CBFA2T3: variants seen among roughly 807,000 people sequenced by gnomAD.
CBFA2T3 encodes transcriptional corepressor CBFA2T3.
CBFA2T3 carries 31 observed loss-of-function variants against 58.6 expected under a neutral mutation model. The ratio of observed to expected loss-of-function variants is 0.53; its 90% CI spans 0.40 to 0.71. The LOEUF is 0.71. CBFA2T3 is among the 30% of genes least tolerant of loss of function. CBFA2T3 has a pLI of 0.00. For synonymous variants in CBFA2T3, 531 were observed against 421.9 expected, an observed-to-expected ratio of 1.26 and a Z score of -3.17; for missense variants, 1,076 against 963.1, an observed-to-expected ratio of 1.12 and a Z score of -1.55.
intron 8 of CBFA2T3, 117 bp downstream of exon 8, chr16:88,882,558 GT>G: frequency 3.0e-6 from 2 of 673,338 alleles, no homozygotes; most frequent in Non-Finnish European, 5.3e-6. Context: ...GTGTGGCTGT[GT>G]GTGGGCATGG....
chr16:88,877,811 G>C (rs576391577), intron 11 of CBFA2T3, among the ~76,000 whole-genome samples: 1 of 152,324 alleles, frequency 6.6e-6, no homozygotes, highest in South Asian at 2.1e-4. Flanking sequence ...GCCACAAAAA[G>C]CCTGTGGGCA....
chr16:88,942,204 C>A (rs938937112), intron 1 of CBFA2T3, among the ~76,000 whole-genome samples: 2 of 152,244 alleles, frequency 1.3e-5, no homozygotes, highest in African/African-American at 2.4e-5. Context: ...TTTGCCTTTC[C>A]CTAAAGTACT....
intron 5 of CBFA2T3, among the ~76,000 whole-genome samples, chr16:88,889,012 G>A (rs375070957): frequency 2.2e-4 from 33 of 152,092 alleles, no homozygotes; most frequent in African/African-American, 6.8e-4. Flanking sequence ...GGCAAGGGTG[G>A]GGATGCTGCG....
chr16:88,976,538 T>A, intron 1 of CBFA2T3, 119 bp downstream of exon 1: 1 of 739,436 alleles, frequency 1.4e-6, no homozygotes, highest in Non-Finnish European at 2.2e-6. Context: ...AACACGGCCA[T>A]CCGTGCCGGC....
In CBFA2T3 at chr16:88,875,237, C is replaced by T. The variant is rs561516446; in HGVS notation, c.*1739G>A. 22 of 224,064 alleles carry T rather than the reference C, an allele frequency of 9.8e-5. No individual in the cohort carries two copies. The highest frequency in any genetic ancestry group is 4.0e-4 in the African/African-American group (18 of 44,796). 13.9% of individuals were successfully genotyped at this position (224,064 alleles called of 1,614,324 possible). A position where few individuals can be genotyped will look rare whatever the true frequency, so the allele number is the denominator to read the frequency against. Reference sequence around the variant, plus strand: ...CACGCACAGATGCCAGGCTGCGGGCCGTGCCTGCTGTCTGTCCTTGTACTC... The same window carrying T: ...CACGCACAGATGCCAGGCTGCGGGCTGTGCCTGCTGTCTGTCCTTGTACTC... On this transcript the variant is annotated 3_prime_UTR_variant, in exon 12 of 12. Coordinates refer to ENST00000268679, the MANE Select transcript of CBFA2T3 (RefSeq NM_005187.6).
chr16:88,965,544 C>A (rs574707668), intron 1 of CBFA2T3, among the ~76,000 whole-genome samples: 13 of 152,312 alleles, frequency 8.5e-5, no homozygotes, highest in East Asian at 1.9e-4. Context: ...TAGGTCCCTG[C>A]GGGGCAGAGA....
Position 88,879,436 on chromosome 16 carries a change from C to A in CBFA2T3, c.1496G>T (p.Arg499Leu), listed in dbSNP as rs761802573. 2 of 1,612,500 alleles carry A rather than the reference C, an allele frequency of 1.2e-6. No homozygotes were observed. The highest frequency in any genetic ancestry group is 1.7e-6 in the Non-Finnish European group (2 of 1,179,204). The change falls in exon 11 of 12, where the codon CGG (arginine) becomes CTG (leucine). Residue 499 changes from arginine (R) to leucine (L), a missense_variant. Transcript: ENST00000268679. Reference protein sequence around the residue: ...KAEEAVNEVKRQAMSELQKAV... With the variant: ...KAEEAVNEVKLQAMSELQKAV... ...TTTCTGCAGCTCCGACATGGCCTGC[C>A]GCTTCACCTCATTCACGGCCTCTTC... is the stretch of plus-strand genomic sequence containing the variant.
chr16:88,936,074 C>T (rs1971489160), intron 1 of CBFA2T3, among the ~76,000 whole-genome samples: 1 of 152,190 alleles, frequency 6.6e-6, no homozygotes. Flanking sequence ...GAGGGTCTCA[C>T]TGCAGCTGGA....
intron 11 of CBFA2T3, 126 bp from the exon 12 acceptor site, chr16:88,877,401 C>T: frequency 1.3e-6 from 1 of 749,474 alleles, no homozygotes; most frequent in South Asian, 1.9e-5. Flanking sequence ...ACTCCAAAGC[C>T]CCACAGCCCT....
chr16:88,914,407 C>G (rs1333342963), intron 1 of CBFA2T3, among the ~76,000 whole-genome samples: 1 of 152,162 alleles, frequency 6.6e-6, no homozygotes, highest in African/African-American at 2.4e-5. Context: ...CATTTAATTG[C>G]AAAAATGATG....
intron 1 of CBFA2T3, among the ~76,000 whole-genome samples, chr16:88,931,626 A>ATGAGCCAGAGGTGGAGAAGGGC (rs1282278169): frequency 6.8e-6 from 1 of 147,562 alleles, no homozygotes; most frequent in African/African-American, 2.6e-5. Context: ...GGCCCCGTGG[A>ATGAGCCAGAGGTGGAGAAGGGC]CGAGCCAGAG....
At chr16:88,914,979 T>C (rs924934980) in intron 1 of CBFA2T3, among the ~76,000 whole-genome samples, 1 of 41,250 alleles carries the variant, frequency 2.4e-5, no homozygotes, top group African/African-American at 9.3e-5. Context: ...CGGGGCGGGG[T>C]GGGGGTGGGG....
Position 88,881,277 on chromosome 16 carries a change from C to T in CBFA2T3, c.1402+14G>A. 1 of 1,595,352 alleles carries T rather than the reference C, an allele frequency of 6.3e-7. No individual in the cohort carries two copies. The highest frequency in any genetic ancestry group is 8.5e-7 in the Non-Finnish European group (1 of 1,172,660). Reference sequence around the variant, plus strand: ...ACCCCGTGTCTGCTCCCTCCCCCCACACCCCACACGCACCTAGCTGAGGCC... The same window carrying T: ...ACCCCGTGTCTGCTCCCTCCCCCCATACCCCACACGCACCTAGCTGAGGCC... On this transcript the variant is annotated intron_variant, in intron 9 of 11. Transcript: ENST00000268679.
intron 1 of CBFA2T3, chr16:88,937,367 C>G (rs890740434): frequency 2.0e-5 from 3 of 152,450 alleles, no homozygotes; most frequent in African/African-American, 7.2e-5. Context: ...CCTCAAGCGG[C>G]CTGCACCTCC....
chr16:88,960,112 A>G (rs1353775843), intron 1 of CBFA2T3, among the ~76,000 whole-genome samples: 1 of 152,236 alleles, frequency 6.6e-6, no homozygotes, highest in Non-Finnish European at 1.5e-5. Flanking sequence ...GATGATTTTC[A>G]GTAGAAAACA....
chr16:88,910,415 A>G (rs1970495139), intron 1 of CBFA2T3, among the ~76,000 whole-genome samples: 1 of 152,080 alleles, frequency 6.6e-6, no homozygotes. Flanking sequence ...GGCTTCCTCT[A>G]CAGCCTACAA....
chr16:88,912,892 G>A (rs530574363), intron 1 of CBFA2T3, among the ~76,000 whole-genome samples: 6 of 152,338 alleles, frequency 3.9e-5, no homozygotes, highest in East Asian at 1.9e-4. Flanking sequence ...CACACCTCCC[G>A]GGGGTGCGTC....
chr16:88,876,666 T>C lies in CBFA2T3; in HGVS notation c.*310A>G, dbSNP rs61017022. On this transcript the variant is annotated 3_prime_UTR_variant, in exon 12 of 12. Coordinates refer to ENST00000268679, the MANE Select transcript of CBFA2T3 (RefSeq NM_005187.6). Reference sequence around the variant, plus strand: ...GAGAGGTGGGCAGAGCCGCCGCGCCTGCGGCATCTGCTCTGCTGTCTAAAG... The same window carrying C: ...GAGAGGTGGGCAGAGCCGCCGCGCCCGCGGCATCTGCTCTGCTGTCTAAAG... 0.012 allele frequency: 4,371 copies of C among 354,178 alleles called. 148 individuals are homozygous for C. The highest frequency in any genetic ancestry group is 0.082 in the African/African-American group (3,951 of 47,992). 21.9% of individuals were successfully genotyped at this position (354,178 alleles called of 1,614,324 possible). A position where few individuals can be genotyped will look rare whatever the true frequency, so the allele number is the denominator to read the frequency against.
intron 3 of CBFA2T3, among the ~76,000 whole-genome samples, chr16:88,897,385 T>C (rs902388762): frequency 6.6e-6 from 1 of 152,264 alleles, no homozygotes; most frequent in African/African-American, 2.4e-5. Context: ...CTGGTAGTGA[T>C]GGACCGGAGT....
Sources: gnomAD v4.1 joint callset for allele counts (sites outside exome capture counted in the v4.1 genomes callset) on GRCh38, gnomAD v4.1.1 for gene constraint, MANE v1.5 for transcripts, NCBI Gene and HGNC (gene_info 2026-07-23, HGNC 2026-07-21) for gene names.